The following ENOX1 variants were observed in gnomAD, a reference collection of about 807,000 sequenced individuals.
ENOX1 encodes the protein ecto-NOX disulfide-thiol exchanger 1.
Under a neutral mutation model 82.5 loss-of-function variants are expected in ENOX1, and 42 were observed. That is an observed-to-expected ratio of 0.51 (90% confidence interval 0.40 to 0.66). ENOX1 has a LOEUF of 0.66. Among genes scored for constraint, ENOX1 ranks in the 30% least tolerant of loss-of-function variants. The pLI is 0.00. For missense variants in ENOX1, 608 were observed against 811.6 expected (o/e 0.75, Z 3.05); for synonymous variants, 271 against 282.2 (o/e 0.96, Z 0.40).
At chr13:43,552,942 T>C (rs1229171712) in intron 2 of ENOX1, among the ~76,000 whole-genome samples, 1 of 152,174 alleles carries the variant, frequency 6.6e-6, no homozygotes, top group Non-Finnish European at 1.5e-5. Context: ...TTAAGGATAT[T>C]GCTCCTTCCT....
chr13:43,216,906 A>G (rs1279433534), intron 16 of ENOX1, among the ~76,000 whole-genome samples: 1 of 152,234 alleles, frequency 6.6e-6, no homozygotes, highest in African/African-American at 2.4e-5. Flanking sequence ...GGCTGTAAAA[A>G]GTGTGACAAC....
At chr13:43,481,356 A>G (rs1340294674) in intron 3 of ENOX1, among the ~76,000 whole-genome samples, 2 of 151,870 alleles carry the variant, frequency 1.3e-5, no homozygotes, top group African/African-American at 4.8e-5. Flanking sequence ...AAATAAACCC[A>G]TATATATATG....
chr13:43,690,388 CTATT>C, intron 1 of ENOX1, among the ~76,000 whole-genome samples: 1 of 152,050 alleles, frequency 6.6e-6, no homozygotes, highest in South Asian at 2.1e-4. Flanking sequence ...GACCAAGTGA[CTATT>C]TATAAGTCTG....
chr13:43,399,402 G>A (rs139247791), intron 5 of ENOX1, among the ~76,000 whole-genome samples: 15 of 152,238 alleles, frequency 9.9e-5, no homozygotes, highest in Non-Finnish European at 2.1e-4. Flanking sequence ...GCAGAGAATG[G>A]TTGTCACTTC....
chr13:43,385,149 A>T (rs2052330198), intron 5 of ENOX1, among the ~76,000 whole-genome samples: 2 of 152,168 alleles, frequency 1.3e-5, no homozygotes, highest in South Asian at 4.1e-4. Context: ...CATTTGGGAT[A>T]TTTCATAATT....
At chr13:43,313,707 T>C (rs1434725186) in intron 11 of ENOX1, among the ~76,000 whole-genome samples, 5 of 152,198 alleles carry the variant, frequency 3.3e-5, no homozygotes, top group East Asian at 1.9e-4. Context: ...ACACACACAA[T>C]TGGAATTATC....
intron 14 of ENOX1, 30 bp from the exon 15 acceptor site, chr13:43,236,768 T>C (rs780270531): frequency 7.3e-7 from 1 of 1,360,746 alleles, no homozygotes; most frequent in East Asian, 2.5e-5. Flanking sequence ...AAACCATATA[T>C]GGGTTTATGT....
chr13:43,543,784 T>C (rs2078848550), intron 2 of ENOX1: 2 of 147,946 alleles, frequency 1.4e-5, no homozygotes. Context: ...ACTAGATCAC[T>C]GAGCTTTTAA....
intron 2 of ENOX1, among the ~76,000 whole-genome samples, chr13:43,570,340 A>G (rs898550231): frequency 1.3e-5 from 2 of 152,170 alleles, no homozygotes; most frequent in African/African-American, 2.4e-5. Context: ...AGCGGAAGCC[A>G]TAGATGCACA....
chr13:43,459,957 G>T (rs1393180037), intron 3 of ENOX1, among the ~76,000 whole-genome samples: 1 of 152,066 alleles, frequency 6.6e-6, no homozygotes, highest in South Asian at 2.1e-4. Flanking sequence ...TTGCACCATC[G>T]CACTCCAGCC....
intron 14 of ENOX1, among the ~76,000 whole-genome samples, chr13:43,245,943 A>G (rs1411387004): frequency 2.6e-5 from 4 of 152,246 alleles, no homozygotes; most frequent in South Asian, 4.1e-4. Context: ...AAAGATTAAA[A>G]TAGGCGAGAA....
intron 5 of ENOX1, among the ~76,000 whole-genome samples, chr13:43,377,930 G>A (rs116067860): frequency 0.012 from 1,789 of 152,216 alleles, 19 homozygotes; most frequent in Middle Eastern, 0.044. Flanking sequence ...ACTGTTTTAG[G>A]CCAGCATCTG....
chr13:43,444,810 T>G (rs527806386), intron 3 of ENOX1, among the ~76,000 whole-genome samples: 33 of 152,180 alleles, frequency 2.2e-4, no homozygotes, highest in Admixed American at 7.8e-4. Flanking sequence ...GCCTTGGGGA[T>G]TTCACTCTTT....
intron 14 of ENOX1, among the ~76,000 whole-genome samples, chr13:43,237,654 G>A (rs75353467): frequency 1.6e-4 from 25 of 152,336 alleles, no homozygotes; most frequent in Non-Finnish European, 3.2e-4. Context: ...TTGAACAAAT[G>A]TGTTGACAGG....
intron 2 of ENOX1, among the ~76,000 whole-genome samples, chr13:43,503,539 G>A (rs2077050148): frequency 6.6e-6 from 1 of 151,718 alleles, no homozygotes; most frequent in African/African-American, 2.4e-5. Flanking sequence ...ACAGGCATAT[G>A]GAACAATGGA....
chr13:43,667,563 C>T lies in ENOX1; in HGVS notation c.-284-19G>A, dbSNP rs1281090079. Reference sequence around the variant, plus strand: ...AAAGGACCTGTAAAATAAAGGCCATCTTGTTAGAAAAAACTTCAAACATCA... The same window carrying T: ...AAAGGACCTGTAAAATAAAGGCCATTTTGTTAGAAAAAACTTCAAACATCA... On this transcript the variant is annotated intron_variant, in intron 1 of 16. Transcript: ENST00000690772. The T allele has an allele frequency of 3.2e-6, 3 of 930,712 alleles. No homozygotes were observed. The highest frequency in any genetic ancestry group is 3.8e-6 in the Non-Finnish European group (3 of 780,184). 57.7% of individuals were successfully genotyped at this position (930,712 alleles called of 1,614,324 possible).
At chr13:43,392,029 TC>T (rs1566103508) in intron 5 of ENOX1, among the ~76,000 whole-genome samples, 3 of 152,176 alleles carry the variant, frequency 2.0e-5, no homozygotes, top group Non-Finnish European at 4.4e-5. Context: ...TCAAGCTCCT[TC>T]TGCCTCTGGG....
In ENOX1 at chr13:43,580,963, A is replaced by C. The variant is rs188112964; in HGVS notation, c.-219+86516T>G. ...AGATTAATTGAAGCAGGTGGTAATG[A>C]AAGTTAGGACCTTGTGTTGAAATAT... On this transcript the variant is annotated intron_variant, in intron 2 of 16. Coordinates refer to ENST00000690772, the MANE Select transcript of ENOX1 (RefSeq NM_001347969.2). Among the ~76,000 whole-genome samples, 10 of 152,262 alleles carry C rather than the reference A, an allele frequency of 6.6e-5. No homozygotes were observed. The East Asian group carries it at 1.7e-3, about 26-fold the overall frequency.
intron 1 of ENOX1, among the ~76,000 whole-genome samples, chr13:43,718,174 A>T (rs752078315): frequency 6.6e-6 from 1 of 152,084 alleles, no homozygotes; most frequent in Non-Finnish European, 1.5e-5. Context: ...AAGGTAGTAC[A>T]TATGCACTAT....
Sources: gnomAD v4.1 joint callset for allele counts (sites outside exome capture counted in the v4.1 genomes callset) on GRCh38, gnomAD v4.1.1 for gene constraint, MANE v1.5 for transcripts, NCBI Gene and HGNC (gene_info 2026-07-23, HGNC 2026-07-21) for gene names.